Variants in PGLYRP4 observed in about 807,000 individuals in gnomAD.
PGLYRP4 encodes peptidoglycan recognition protein 4, also known as PGRP-I-beta.
Under a neutral mutation model 41.2 loss-of-function variants are expected in PGLYRP4, and 39 were observed. The ratio of observed to expected loss-of-function variants is 0.95; its 90% CI spans 0.73 to 1.24. PGLYRP4 has a LOEUF of 1.24. PGLYRP4 is among the 50% of genes most tolerant of loss of function. The pLI, the probability that PGLYRP4 is intolerant of heterozygous loss-of-function variation, is 0.00. For missense variants in PGLYRP4, 467 were observed against 460.7 expected, an observed-to-expected ratio of 1.01 and a Z score of -0.13; for synonymous variants, 202 against 186.8, an observed-to-expected ratio of 1.08 and a Z score of -0.66.
chr1:153,340,200 C>A (rs1660735275), intron 7 of PGLYRP4, among the ~76,000 whole-genome samples, 181 bp downstream of exon 7: 1 of 152,158 alleles, frequency 6.6e-6, no homozygotes, highest in Non-Finnish European at 1.5e-5. Context: ...AATGACTACC[C>A]CCTTGGCTAT....
intron 7 of PGLYRP4, among the ~76,000 whole-genome samples, chr1:153,339,471 G>A (rs1026279616): frequency 6.6e-6 from 1 of 152,158 alleles, no homozygotes; most frequent in Non-Finnish European, 1.5e-5. Context: ...GCCATAAATG[G>A]CCCTAGAGTT....
At chr1:153,343,798 T>C (rs974770759) in intron 4 of PGLYRP4, among the ~76,000 whole-genome samples, 1 of 152,030 alleles carries the variant, frequency 6.6e-6, no homozygotes, top group Non-Finnish European at 1.5e-5. Context: ...AAATCACTTC[T>C]CTTCTAAAAA....
At chr1:153,331,132 G>A (rs901540623) in intron 8 of PGLYRP4, among the ~76,000 whole-genome samples, 187 bp from the exon 9 acceptor site, 1 of 152,154 alleles carries the variant, frequency 6.6e-6, no homozygotes, top group Admixed American at 6.5e-5. Flanking sequence ...TGAATCAAAA[G>A]AGCCAAGCCT....
chr1:153,332,111 G>A (rs1175788951), intron 8 of PGLYRP4, among the ~76,000 whole-genome samples: 1 of 151,826 alleles, frequency 6.6e-6, no homozygotes, highest in Non-Finnish European at 1.5e-5. Context: ...CAAAATCAAG[G>A]GTAGAGAAAG....
intron 1 of PGLYRP4, among the ~76,000 whole-genome samples, chr1:153,348,307 G>C (rs1311028650): frequency 2.0e-5 from 3 of 152,200 alleles, no homozygotes; most frequent in Non-Finnish European, 4.4e-5. Flanking sequence ...AAGGAAGTAA[G>C]ATCCAAGAAT....
At chr1:153,340,073 G>T (rs200661124) in intron 7 of PGLYRP4, among the ~76,000 whole-genome samples, 1 of 152,168 alleles carries the variant, frequency 6.6e-6, no homozygotes, top group Non-Finnish European at 1.5e-5. Context: ...TTTTCTACAG[G>T]TGTCACAATC....
Position 153,346,478 on chromosome 1 carries a change from G to A in PGLYRP4, c.50-287C>T, listed in dbSNP as rs201232185. ...TGTATCTACACACACAATTGGCGGG[G>A]AAAAAAAAAAAACTAGAAATGTATT... On this transcript the variant is annotated intron_variant, in intron 2 of 8. Transcript: ENST00000359650. 2.9e-3 allele frequency among the ~76,000 whole-genome samples: 432 copies of A among 149,032 alleles called. 15 individuals carry two copies. The East Asian group carries it at 0.066, about 23-fold the overall frequency.
Position 153,345,391 on chromosome 1 carries a change from C to G in PGLYRP4, c.140-9G>C. 1 of 1,612,016 alleles carries G rather than the reference C, an allele frequency of 6.2e-7. No homozygotes were observed. Among genetic ancestry groups the G allele is most frequent in the Non-Finnish European group, 8.5e-7 (1 of 1,178,170 alleles). On this transcript the variant is annotated splice_polypyrimidine_tract_variant and intron_variant, in intron 3 of 8. Transcript: ENST00000359650. ...GACATCTGTGGGAAGGCCTTGGGGA[C>G]GTCACTCAGCGCACCTGCCCCATCA...
chr1:153,336,799 G>C (rs1044063768), intron 8 of PGLYRP4, among the ~76,000 whole-genome samples: 1 of 152,314 alleles, frequency 6.6e-6, no homozygotes, highest in East Asian at 1.9e-4. Context: ...TCAGTGCAAA[G>C]ACTGGGGCTC....
chr1:153,337,098 T>G, intron 8 of PGLYRP4, 83 bp downstream of exon 8: 4 of 1,039,354 alleles, frequency 3.8e-6, no homozygotes, highest in African/African-American at 1.6e-5. Flanking sequence ...AAATGACGCT[T>G]GAGACTGAGA....
At chr1:153,331,085 G>A in intron 8 of PGLYRP4, 140 bp from the exon 9 acceptor site, 1 of 579,662 alleles carries the variant, frequency 1.7e-6, no homozygotes, top group South Asian at 3.7e-5. Flanking sequence ...AAAAAAACAA[G>A]GTCAAGACTT....
Position 153,330,650 on chromosome 1 carries a change from G to A in PGLYRP4, c.*117C>T. ...TGATCATCCCAACCTGAAAAAGGAG[G>A]CACAGGACTGTGTGGCAGGGGAGGA... On this transcript the variant is annotated 3_prime_UTR_variant, in exon 9 of 9. Coordinates refer to ENST00000359650, the MANE Select transcript of PGLYRP4 (RefSeq NM_020393.4). The A allele has an allele frequency of 2.5e-6, 2 of 801,794 alleles. No individual in the cohort carries two copies. Among genetic ancestry groups the A allele is most frequent in the South Asian group, 3.3e-5 (2 of 60,802 alleles). The allele number at this position is 801,794 out of a possible 1,614,324, so 49.7% of individuals were successfully genotyped here.
intron 3 of PGLYRP4, among the ~76,000 whole-genome samples, 179 bp downstream of exon 3, chr1:153,345,923 C>T (rs1425814246): frequency 6.6e-6 from 1 of 152,192 alleles, no homozygotes; most frequent in East Asian, 1.9e-4. Flanking sequence ...CAGCACCAGC[C>T]TTCCATCCCA....
chr1:153,342,710 C>G (rs1467704432), intron 5 of PGLYRP4, among the ~76,000 whole-genome samples: 1 of 151,896 alleles, frequency 6.6e-6, no homozygotes, highest in South Asian at 2.1e-4. Flanking sequence ...CTGGCAGGAA[C>G]TTGGAAAGCA....
At position 153,345,268 on chromosome 1, in the gene PGLYRP4, G is replaced by A; in HGVS notation, c.254C>T (p.Pro85Leu). 1 of 1,614,162 alleles carries A rather than the reference G, an allele frequency of 6.2e-7. No individual in the cohort carries two copies. Among genetic ancestry groups the A allele is most frequent in the Admixed American group, 1.7e-5 (1 of 60,028 alleles). Reference sequence around the variant, plus strand: ...TGTCTGGTCGTGACACTCCAGTCCAGGGACATGGTGTATAACAAGGACATT... The same window carrying A: ...TGTCTGGTCGTGACACTCCAGTCCAAGGACATGGTGTATAACAAGGACATT... ...PVNVLVIHHVPGLECHDQTVC... is the reference protein window; with the variant it reads ...PVNVLVIHHVLGLECHDQTVC... Residue 85 changes from proline to leucine, a missense_variant, in exon 4 of 9, where the codon CCT (proline) becomes CTT (leucine). Physicochemically the swap from Pro to Leu is moderately conservative, Grantham distance 98. Transcript: ENST00000359650.
At chr1:153,346,013 T>A in intron 3 of PGLYRP4, 89 bp downstream of exon 3, 1 of 932,900 alleles carries the variant, frequency 1.1e-6, no homozygotes, top group Non-Finnish European at 1.8e-6. Context: ...CCCAGTCACA[T>A]GTGGCTTTGC....
chr1:153,339,771 G>A (rs2879540), intron 7 of PGLYRP4, among the ~76,000 whole-genome samples: 1,949 of 49,670 alleles, frequency 0.039, 24 homozygotes, highest in Non-Finnish European at 0.057. Flanking sequence ...AATGCTTAAT[G>A]GGGAAAAAAA....
chr1:153,337,756 GA>G (rs1406364637), intron 7 of PGLYRP4, among the ~76,000 whole-genome samples: 7 of 152,192 alleles, frequency 4.6e-5, no homozygotes, highest in Non-Finnish European at 8.8e-5. Context: ...TTCTCACCAA[GA>G]AAACGGTTTC....
At position 153,345,227 on chromosome 1, in the gene PGLYRP4, G is replaced by A. The variant is rs761754927; in HGVS notation, c.295C>T (p.Leu99=). The A allele has an allele frequency of 8.1e-6, 13 of 1,614,094 alleles. No homozygotes were observed. Among genetic ancestry groups the A allele is most frequent in the Non-Finnish European group, 1.1e-5 (13 of 1,180,022 alleles). The change falls in exon 4 of 9, where the codon CTG becomes TTG. Residue 99 remains leucine (L), a synonymous_variant. Transcript: ENST00000359650. ...CHDQTVCSQR[L]RELQAHHVHN... ...ACATGATGGGCCTGCAGTTCCCGCAGTCTCTGGCTGCAGACTGTCTGGTCG... is the reference window on the plus strand; with the variant it reads ...ACATGATGGGCCTGCAGTTCCCGCAATCTCTGGCTGCAGACTGTCTGGTCG...
Sources: allele counts gnomAD v4.1 joint callset (sites outside exome capture counted in the v4.1 genomes callset), GRCh38; gene constraint gnomAD v4.1.1; transcripts MANE v1.5; gene names NCBI Gene and HGNC (gene_info 2026-07-23, HGNC 2026-07-21).